The following PSD3 variants were observed in gnomAD, a reference collection of about 807,000 sequenced individuals.
PSD3 encodes the protein pleckstrin and Sec7 domain containing 3.
Under a neutral mutation model 105.5 loss-of-function variants are expected in PSD3, and 49 were observed. The ratio of observed to expected loss-of-function variants is 0.46; its 90% CI spans 0.37 to 0.59. The LOEUF is 0.59. Among genes scored for constraint, PSD3 ranks in the 20% least tolerant of loss-of-function variants. PSD3 has a pLI of 0.00. For synonymous variants in PSD3, 557 were observed against 457.8 expected, an observed-to-expected ratio of 1.22 and a Z score of -2.77; for missense variants, 1,561 against 1,263.8, an observed-to-expected ratio of 1.24 and a Z score of -3.57.
intron 2 of PSD3, among the ~76,000 whole-genome samples, chr8:18,899,564 T>C (rs1238559839): frequency 1.3e-5 from 2 of 152,078 alleles, no homozygotes; most frequent in Admixed American, 6.5e-5. Context: ...GACCCCCTGA[T>C]GTAGAAGCTG....
chr8:18,607,714 G>A lies in PSD3; in HGVS notation c.2411-7280C>T, dbSNP rs1338678147. On this transcript the variant is annotated intron_variant, in intron 11 of 15. Coordinates refer to ENST00000327040, the MANE Select transcript of PSD3 (RefSeq NM_015310.4). ...AAAAAAACAAAACAAAAAAAAAAAGGAAGTCAGGTGTATTAGTACATTCTC... is the reference window on the plus strand; with the variant it reads ...AAAAAAACAAAACAAAAAAAAAAAGAAAGTCAGGTGTATTAGTACATTCTC... 9.7e-4 allele frequency among the ~76,000 whole-genome samples: 130 copies of A among 134,376 alleles called. 1 individual carries two copies. Among genetic ancestry groups the A allele is most frequent in the South Asian group, 1.2e-3 (5 of 4,288 alleles). The allele number at this position is 134,376 out of a possible 152,430, so 88.2% of individuals were successfully genotyped here.
intron 10 of PSD3, among the ~76,000 whole-genome samples, chr8:18,651,426 C>T (rs141140393): frequency 6.6e-6 from 1 of 152,352 alleles, no homozygotes; most frequent in African/African-American, 2.4e-5. Context: ...GCATCACCAC[C>T]TTTCCTGTAA....
chr8:18,755,028 A>T (rs1216356988), intron 9 of PSD3, among the ~76,000 whole-genome samples: 1 of 152,148 alleles, frequency 6.6e-6, no homozygotes, highest in Non-Finnish European at 1.5e-5. Context: ...ATAAGCAAAA[A>T]GAGGATAGCT....
At chr8:19,084,537 G>A (rs1161966207) in exon 1 of PSD3, 1 of 402,800 alleles carries the variant, frequency 2.5e-6, no homozygotes, top group Non-Finnish European at 5.1e-6. Context: ...CATGATGGGA[G>A]CTGGGCTAGG....
At chr8:18,808,935 C>T in intron 4 of PSD3, 1 of 1,468,722 alleles carries the variant, frequency 6.8e-7, no homozygotes. Context: ...CTCACATTCT[C>T]AGCCGAGTGT....
intron 1 of PSD3, among the ~76,000 whole-genome samples, chr8:18,962,348 T>G (rs1823977561): frequency 6.6e-6 from 1 of 152,208 alleles, no homozygotes; most frequent in African/African-American, 2.4e-5. Flanking sequence ...GAAATAAATT[T>G]AATAGCTTGT....
At chr8:18,811,102 T>G (rs10105376) in intron 4 of PSD3, among the ~76,000 whole-genome samples, 1 of 152,050 alleles carries the variant, frequency 6.6e-6, no homozygotes, top group African/African-American at 2.4e-5. Flanking sequence ...GCACCCACCA[T>G]GGTACCATAA....
intron 2 of PSD3, among the ~76,000 whole-genome samples, chr8:18,888,986 G>C (rs1563388014): frequency 6.6e-6 from 1 of 152,042 alleles, no homozygotes; most frequent in Non-Finnish European, 1.5e-5. Flanking sequence ...ACCCACCACA[G>C]ACCTCCCACC....
At chr8:18,609,743 G>A (rs1805113667) in intron 11 of PSD3, among the ~76,000 whole-genome samples, 2 of 152,212 alleles carry the variant, frequency 1.3e-5, no homozygotes, top group Admixed American at 6.5e-5. Context: ...GTTCATAGAT[G>A]ACAGACTCAC....
At chr8:19,014,875 G>A (rs985261077), upstream of PSD3, among the ~76,000 whole-genome samples, 2 of 152,146 alleles carry the variant, frequency 1.3e-5, no homozygotes, top group African/African-American at 4.8e-5. This position sits in a 1 kb window ranked among gnomAD's most constrained non-coding sequence, Gnocchi z 4.9. Context: ...AGGAAGCCTT[G>A]GACACCCACC....
At chr8:18,943,569 G>T (rs1330130061) in intron 1 of PSD3, among the ~76,000 whole-genome samples, 2 of 152,114 alleles carry the variant, frequency 1.3e-5, no homozygotes, top group Non-Finnish European at 2.9e-5. Context: ...GGGAATGAGG[G>T]AGCCTGGTAA....
chr8:18,698,596 A>C (rs1405878314), intron 9 of PSD3, among the ~76,000 whole-genome samples: 2 of 152,154 alleles, frequency 1.3e-5, no homozygotes, highest in Non-Finnish European at 2.9e-5. Flanking sequence ...CTCCAGAAGG[A>C]ATACAGCCCT....
chr8:18,632,921 C>G (rs370587551), intron 10 of PSD3, 115 bp from the exon 11 acceptor site: 2 of 780,496 alleles, frequency 2.6e-6, no homozygotes, highest in Middle Eastern at 3.7e-4. Context: ...CTTTTTATAA[C>G]CACCACCATG....
rs1055126135 is a variant in PSD3 at position 18,680,926 on chromosome 8, T to C, written c.2173-25241A>G. ...CCTTTCCACAGTCCTTTAACACTTT[T>C]TTTCAAATGAATATGAATAAATCAG... On this transcript the variant is annotated intron_variant, in intron 9 of 15. Coordinates refer to ENST00000327040, the MANE Select transcript of PSD3 (RefSeq NM_015310.4). 3.3e-5 allele frequency among the ~76,000 whole-genome samples: 5 copies of C among 152,302 alleles called. No individual in the cohort carries two copies. The South Asian group carries it at 8.3e-4, about 25-fold the overall frequency.
intron 8 of PSD3, 129 bp downstream of exon 8, chr8:18,799,166 T>G: frequency 1.3e-6 from 1 of 789,750 alleles, no homozygotes; most frequent in South Asian, 1.5e-5. Flanking sequence ...AAGATTTCTT[T>G]TTATTCACCT....
chr8:18,645,615 G>C (rs1458696256), intron 10 of PSD3, among the ~76,000 whole-genome samples: 2 of 152,150 alleles, frequency 1.3e-5, no homozygotes, highest in African/African-American at 2.4e-5. Flanking sequence ...ACTAACATTA[G>C]CATTATTATT....
chr8:18,801,815 G>T (rs1328932793), intron 6 of PSD3, among the ~76,000 whole-genome samples: 1 of 151,914 alleles, frequency 6.6e-6, no homozygotes, highest in Non-Finnish European at 1.5e-5. Context: ...GCGACAGAGT[G>T]AGACTCCGTT....
At chr8:19,058,579 A>C (rs1329192478) in intron 1 of PSD3, among the ~76,000 whole-genome samples, 1 of 151,848 alleles carries the variant, frequency 6.6e-6, no homozygotes, top group Non-Finnish European at 1.5e-5. Flanking sequence ...ATTTTACTGT[A>C]TGATAATTTT....
At chr8:18,918,684 A>G (rs1820789622) in intron 2 of PSD3, among the ~76,000 whole-genome samples, 1 of 152,194 alleles carries the variant, frequency 6.6e-6, no homozygotes, top group Non-Finnish European at 1.5e-5. Context: ...ACTGTGTTCC[A>G]ATAACATCCA....
Sources: gnomAD v4.1 joint callset for allele counts (sites outside exome capture counted in the v4.1 genomes callset) on GRCh38, gnomAD v4.1.1 for gene constraint, Gnocchi (gnomAD v3.1) non-coding constraint, MANE v1.5 for transcripts, NCBI Gene and HGNC (gene_info 2026-07-23, HGNC 2026-07-21) for gene names.